TRIM23: variants seen among roughly 807,000 people sequenced by gnomAD.
The protein encoded by TRIM23 is tripartite motif containing 23.
Under a neutral mutation model 71.0 loss-of-function variants are expected in TRIM23, and 27 were observed. The observed-to-expected ratio is 0.38, with a 90% CI of 0.28 to 0.52. The LOEUF (loss-of-function observed/expected upper bound fraction) is 0.52, where lower values mean the gene tolerates loss of function less well. Ranked by LOEUF, TRIM23 falls within the 20% of genes least tolerant of loss-of-function variation. The probability of loss-of-function intolerance (pLI) is 0.84; values close to 1 mark genes in which losing one functional copy is unlikely to be tolerated. For missense variants in TRIM23, 482 were observed against 692.3 expected (o/e 0.70, Z 3.41); for synonymous variants, 234 against 238.0 (o/e 0.98, Z 0.16).
chr5:65,620,854 C>T (rs1187146059), intron 1 of TRIM23, among the ~76,000 whole-genome samples: 1 of 151,702 alleles, frequency 6.6e-6, no homozygotes, highest in Non-Finnish European at 1.5e-5. Context: ...GGCAAGAGGA[C>T]TGCTTGAGGC....
At chr5:65,611,256 A>T (rs1047377861) in intron 4 of TRIM23, among the ~76,000 whole-genome samples, 2 of 152,242 alleles carry the variant, frequency 1.3e-5, no homozygotes, top group Admixed American at 1.3e-4. Context: ...TAAACAAAAA[A>T]CCAAGAGACT....
Position 65,618,262 on chromosome 5 carries a change from T to C in TRIM23, c.82-7A>G. 1 of 1,603,786 alleles carries C rather than the reference T, an allele frequency of 6.2e-7. No homozygotes were observed. Among genetic ancestry groups the C allele is most frequent in the Non-Finnish European group, 8.5e-7 (1 of 1,176,264 alleles). The stretch of plus-strand genomic sequence containing the variant: ...AAACTCCACACTCTAGCACCTAATA[T>C]TTGAAAAGGAAGGATGTGCTCTTTA... On this transcript the variant is annotated splice_region_variant and splice_polypyrimidine_tract_variant and intron_variant, in intron 1 of 10. Coordinates refer to ENST00000231524, the MANE Select transcript of TRIM23 (RefSeq NM_001656.4).
chr5:65,614,835 G>C (rs924783024), intron 2 of TRIM23, among the ~76,000 whole-genome samples: 2 of 151,960 alleles, frequency 1.3e-5, no homozygotes, highest in Non-Finnish European at 2.9e-5. Flanking sequence ...CTTAGAAATG[G>C]TTAAAACGGC....
In TRIM23 at chr5:65,591,350, T is replaced by G. The variant is rs1561738345; in HGVS notation, c.*419A>C. The G allele has an allele frequency of 1.8e-5, 27 of 1,480,950 alleles. No homozygotes were observed. Among genetic ancestry groups the G allele is most frequent in the Non-Finnish European group, 2.4e-5 (27 of 1,119,218 alleles). The allele number at this position is 1,480,950 out of a possible 1,614,324, so 91.7% of individuals were successfully genotyped here. Reference sequence around the variant, plus strand: ...GCCAACATTCAGTGAAAAGGCAGGTTAAAAGAAGCAGCTATACTTCACTTG... The same window carrying G: ...GCCAACATTCAGTGAAAAGGCAGGTGAAAAGAAGCAGCTATACTTCACTTG... On this transcript the variant is annotated 3_prime_UTR_variant, in exon 11 of 11. Transcript: ENST00000231524.
chr5:65,616,358 T>G (rs562483961), intron 2 of TRIM23, among the ~76,000 whole-genome samples: 1 of 152,180 alleles, frequency 6.6e-6, no homozygotes, highest in East Asian at 1.9e-4. Flanking sequence ...TTCAAAAAGG[T>G]AGAAGAGCCA....
Position 65,591,063 on chromosome 5 carries a change from C to T in TRIM23, c.*706G>A, listed in dbSNP as rs1048769159. The T allele has an allele frequency of 2.0e-6, 2 of 990,952 alleles. No homozygotes were observed. The highest frequency in any genetic ancestry group is 1.2e-6 in the Non-Finnish European group (1 of 833,874). 61.4% of individuals were successfully genotyped at this position (990,952 alleles called of 1,614,324 possible). A position where few individuals can be genotyped will look rare whatever the true frequency, so the allele number is the denominator to read the frequency against. On this transcript the variant is annotated 3_prime_UTR_variant, in exon 11 of 11. Transcript: ENST00000231524. ...ATAAATTCAGATCCAATTACTTCCA[C>T]AGTTTTATTACTGTTCAGTTTATTA... is the stretch of plus-strand genomic sequence containing the variant.
intron 2 of TRIM23, among the ~76,000 whole-genome samples, chr5:65,616,909 A>G (rs1258240656): frequency 6.6e-6 from 1 of 152,034 alleles, no homozygotes; most frequent in Non-Finnish European, 1.5e-5. Context: ...TTTAGAAGAA[A>G]AGGGGTCTCA....
At chr5:65,611,462 T>C (rs943574442) in intron 4 of TRIM23, 141 bp downstream of exon 4, 3 of 873,204 alleles carry the variant, frequency 3.4e-6, no homozygotes, top group Non-Finnish European at 4.9e-6. Context: ...TCATTTATTT[T>C]CATGCTACCA....
intron 7 of TRIM23, among the ~76,000 whole-genome samples, chr5:65,599,696 T>C (rs1464330970): frequency 6.6e-6 from 1 of 152,248 alleles, no homozygotes; most frequent in Non-Finnish European, 1.5e-5. Context: ...ATGCAATCCC[T>C]ATCAAAATCC....
intron 6 of TRIM23, among the ~76,000 whole-genome samples, chr5:65,605,473 C>T (rs141758428): frequency 6.6e-6 from 1 of 152,276 alleles, no homozygotes; most frequent in Non-Finnish European, 1.5e-5. Flanking sequence ...TATGAGGGAA[C>T]TACTGGGGTA....
At position 65,595,513 on chromosome 5, in the gene TRIM23, G is replaced by A. The variant is rs567281722; in HGVS notation, c.1421-868C>T. On this transcript the variant is annotated intron_variant, in intron 9 of 10. Coordinates refer to ENST00000231524, the MANE Select transcript of TRIM23 (RefSeq NM_001656.4). ...GCGGAGCTTGCAGTGAGCCGAGATC[G>A]CACCACTGCACTCCATCCTGGGCGA... Among the ~76,000 whole-genome samples the A allele has an allele frequency of 1.9e-4, 27 of 144,718 alleles. 1 individual carries two copies. Among genetic ancestry groups the A allele is most frequent in the Non-Finnish European group, 3.6e-4 (24 of 67,054 alleles). 94.9% of individuals were successfully genotyped at this position (144,718 alleles called of 152,430 possible).
chr5:65,590,864 A>G lies in TRIM23; in HGVS notation c.*905T>C. 1.0e-6 allele frequency: 1 copy of G among 985,540 alleles called. No homozygotes were observed. The highest frequency in any genetic ancestry group is 1.2e-6 in the Non-Finnish European group (1 of 830,014). The allele number at this position is 985,540 out of a possible 1,614,324, so 61.0% of individuals were successfully genotyped here. A position where few individuals can be genotyped will look rare whatever the true frequency, so the allele number is the denominator to read the frequency against. ...AAGTTCGCTTTCTATTTAGGTCACT[A>G]GCTTTTAAATAAAGCCAACCCTGGT... On this transcript the variant is annotated 3_prime_UTR_variant, in exon 11 of 11. Coordinates refer to ENST00000231524, the MANE Select transcript of TRIM23 (RefSeq NM_001656.4).
Position 65,591,381 on chromosome 5 carries a change from C to T in TRIM23, c.*388G>A. Reference sequence around the variant, plus strand: ...AAGCAGCTATACTTCACTTGCTTCACACAGAGGTCTCATTAGGCACTCAAT... The same window carrying T: ...AAGCAGCTATACTTCACTTGCTTCATACAGAGGTCTCATTAGGCACTCAAT... On this transcript the variant is annotated 3_prime_UTR_variant, in exon 11 of 11. Coordinates refer to ENST00000231524, the MANE Select transcript of TRIM23 (RefSeq NM_001656.4). 1 of 1,548,512 alleles carries T rather than the reference C, an allele frequency of 6.5e-7. No individual in the cohort carries two copies. Among genetic ancestry groups the T allele is most frequent in the Non-Finnish European group, 8.7e-7 (1 of 1,151,038 alleles).
Position 65,624,285 on chromosome 5 carries a change from G to T in TRIM23, c.-11C>A, listed in dbSNP as rs571467025. 5.0e-6 allele frequency: 8 copies of T among 1,613,692 alleles called. No individual in the cohort carries two copies. The South Asian group carries it at 5.5e-5, about 11-fold the overall frequency. The stretch of plus-strand genomic sequence containing the variant: ...AACCAGGGTAGCCATCCTCGCAGGG[G>T]AAGCGCCACAGAAACAGCCTTCAGA... On this transcript the variant is annotated 5_prime_UTR_variant, in exon 1 of 11. Coordinates refer to ENST00000231524, the MANE Select transcript of TRIM23 (RefSeq NM_001656.4).
chr5:65,592,327 C>T (rs1016697469), intron 10 of TRIM23, among the ~76,000 whole-genome samples: 4 of 152,100 alleles, frequency 2.6e-5, no homozygotes, highest in East Asian at 1.9e-4. Context: ...CTGGTTCAAG[C>T]GATTCTCCTG....
In TRIM23 at chr5:65,591,373, T is replaced by G. The variant is rs559643257; in HGVS notation, c.*396A>C. On this transcript the variant is annotated 3_prime_UTR_variant, in exon 11 of 11. Transcript: ENST00000231524. ...GTTAAAAGAAGCAGCTATACTTCAC[T>G]TGCTTCACACAGAGGTCTCATTAGG... is the stretch of plus-strand genomic sequence containing the variant. 13 of 1,531,416 alleles carry G rather than the reference T, an allele frequency of 8.5e-6. No individual in the cohort carries two copies. The highest frequency in any genetic ancestry group is 1.3e-5 in the South Asian group (1 of 77,220). 94.9% of individuals were successfully genotyped at this position (1,531,416 alleles called of 1,614,324 possible).
intron 6 of TRIM23, among the ~76,000 whole-genome samples, chr5:65,608,093 G>C (rs927516009): frequency 6.6e-6 from 1 of 152,202 alleles, no homozygotes; most frequent in Non-Finnish European, 1.5e-5. Flanking sequence ...GGTAGCAATT[G>C]TATGAAATAA....
chr5:65,597,632 G>C (rs1374390705), intron 7 of TRIM23, among the ~76,000 whole-genome samples: 1 of 151,874 alleles, frequency 6.6e-6, no homozygotes, highest in Non-Finnish European at 1.5e-5. Flanking sequence ...TTTTAAAAAA[G>C]TATTACCCAC....
intron 2 of TRIM23, among the ~76,000 whole-genome samples, chr5:65,615,171 G>A (rs753040079): frequency 3.9e-5 from 6 of 151,958 alleles, no homozygotes; most frequent in Non-Finnish European, 4.4e-5. Context: ...CAAAGTGCTG[G>A]GATTACAGGT....
Sources: allele counts gnomAD v4.1 joint callset (sites outside exome capture counted in the v4.1 genomes callset), GRCh38; gene constraint gnomAD v4.1.1; transcripts MANE v1.5; gene names NCBI Gene and HGNC (gene_info 2026-07-23, HGNC 2026-07-21).